Variants in STXBP5L observed in about 807,000 individuals in gnomAD.
The protein encoded by STXBP5L is syntaxin binding protein 5L.
In STXBP5L, 65 loss-of-function variants were observed where a neutral mutation model predicts 144.5. The ratio of observed to expected loss-of-function variants is 0.45; its 90% CI spans 0.37 to 0.55. STXBP5L has a LOEUF of 0.55. STXBP5L is among the 20% of genes least tolerant of loss of function. The pLI, the probability that STXBP5L is intolerant of heterozygous loss-of-function variation, is 0.00. For missense variants in STXBP5L, 1,298 were observed against 1,405.5 expected, an observed-to-expected ratio of 0.92 and a Z score of 1.22; for synonymous variants, 505 against 469.6, an observed-to-expected ratio of 1.08 and a Z score of -0.97.
At chr3:121,159,763 G>T (rs2046250344) in intron 9 of STXBP5L, among the ~76,000 whole-genome samples, 1 of 151,374 alleles carries the variant, frequency 6.6e-6, no homozygotes, top group Admixed American at 6.6e-5. Flanking sequence ...CCGAGTAGCT[G>T]GGACTACAGG....
intron 14 of STXBP5L, among the ~76,000 whole-genome samples, chr3:121,243,226 G>C (rs2049727494): frequency 6.6e-6 from 1 of 152,172 alleles, no homozygotes; most frequent in African/African-American, 2.4e-5. Context: ...GGGTGCCACT[G>C]AGAGCAAAAT....
At chr3:121,379,086 A>G (rs1452856951) in intron 21 of STXBP5L, among the ~76,000 whole-genome samples, 200 bp downstream of exon 21, 1 of 152,096 alleles carries the variant, frequency 6.6e-6, no homozygotes, top group Non-Finnish European at 1.5e-5. Flanking sequence ...CTCTAAAACC[A>G]GAATGCCTCT....
At chr3:120,965,905 A>T (rs973706923) in intron 3 of STXBP5L, among the ~76,000 whole-genome samples, 4 of 152,174 alleles carry the variant, frequency 2.6e-5, no homozygotes, top group Admixed American at 6.6e-5. Flanking sequence ...CATCACTTTC[A>T]GATACACCAA....
chr3:120,992,319 C>T (rs1461839462), intron 3 of STXBP5L, among the ~76,000 whole-genome samples: 1 of 152,046 alleles, frequency 6.6e-6, no homozygotes, highest in Non-Finnish European at 1.5e-5. Context: ...AGTCCTGTCT[C>T]CTAGCTATTT....
chr3:120,991,462 C>T (rs1251962242), intron 3 of STXBP5L, among the ~76,000 whole-genome samples: 2 of 151,978 alleles, frequency 1.3e-5, no homozygotes, highest in Admixed American at 6.6e-5. Flanking sequence ...ACCATTTGAC[C>T]CAGCCATCCC....
intron 5 of STXBP5L, among the ~76,000 whole-genome samples, chr3:121,074,032 C>T (rs995088925): frequency 6.6e-6 from 1 of 152,116 alleles, no homozygotes; most frequent in African/African-American, 2.4e-5. Context: ...TGGGTGCAGC[C>T]AACAATACAT....
chr3:121,035,464 G>T (rs897159595), intron 3 of STXBP5L, among the ~76,000 whole-genome samples: 17 of 152,118 alleles, frequency 1.1e-4, no homozygotes. Flanking sequence ...TATTGAAAAG[G>T]ATGTCCTTTC....
chr3:120,948,131 A>G (rs967911308), intron 2 of STXBP5L, among the ~76,000 whole-genome samples: 1 of 151,594 alleles, frequency 6.6e-6, no homozygotes, highest in Non-Finnish European at 1.5e-5. Flanking sequence ...TCTGTTTTTT[A>G]TTATAGTTAT....
chr3:121,344,646 A>G (rs1487740829), intron 20 of STXBP5L, among the ~76,000 whole-genome samples: 1 of 152,102 alleles, frequency 6.6e-6, no homozygotes, highest in Non-Finnish European at 1.5e-5. Flanking sequence ...GTAATTTTAA[A>G]AATTGAAATA....
At chr3:121,342,995 C>T (rs1278663312) in intron 20 of STXBP5L, among the ~76,000 whole-genome samples, 2 of 151,342 alleles carry the variant, frequency 1.3e-5, no homozygotes, top group Non-Finnish European at 2.9e-5. Context: ...TCTCCACATC[C>T]TCTCCAGCAC....
intron 3 of STXBP5L, among the ~76,000 whole-genome samples, chr3:120,975,266 GT>G (rs1233285943): frequency 6.6e-6 from 1 of 152,132 alleles, no homozygotes; most frequent in Non-Finnish European, 1.5e-5. Context: ...CACGTCCCTT[GT>G]AAGTTGGATT....
chr3:121,278,197 A>T (rs1342470487), intron 18 of STXBP5L, among the ~76,000 whole-genome samples: 1 of 151,992 alleles, frequency 6.6e-6, no homozygotes, highest in Non-Finnish European at 1.5e-5. Flanking sequence ...ACATTTGTGA[A>T]ATGTATTACC....
At chr3:121,161,452 A>G (rs1167385693) in intron 9 of STXBP5L, among the ~76,000 whole-genome samples, 1 of 151,810 alleles carries the variant, frequency 6.6e-6, no homozygotes, top group Admixed American at 6.6e-5. Flanking sequence ...AATTGCTTTC[A>G]AAATTTTGCG....
intron 5 of STXBP5L, among the ~76,000 whole-genome samples, chr3:121,065,438 T>A (rs2041498911): frequency 6.6e-6 from 1 of 152,226 alleles, no homozygotes; most frequent in Non-Finnish European, 1.5e-5. Flanking sequence ...CATATTACAC[T>A]AGTTAGGACC....
At chr3:120,983,134 C>T (rs572462644) in intron 3 of STXBP5L, among the ~76,000 whole-genome samples, 4 of 152,166 alleles carry the variant, frequency 2.6e-5, no homozygotes, top group African/African-American at 9.7e-5. Context: ...AGTGCCTGAC[C>T]TGCCTGCTTC....
At chr3:121,351,341 C>T (rs924617365) in intron 20 of STXBP5L, among the ~76,000 whole-genome samples, 20 of 152,076 alleles carry the variant, frequency 1.3e-4, no homozygotes, top group African/African-American at 2.2e-4. Context: ...GAGGAGTACC[C>T]GGCCGTGTCA....
chr3:121,172,695 G>T (rs1454948350), intron 9 of STXBP5L, among the ~76,000 whole-genome samples: 1 of 152,188 alleles, frequency 6.6e-6, no homozygotes, highest in Non-Finnish European at 1.5e-5. Context: ...ATGCTGGAGA[G>T]GATGTGGAGA....
chr3:121,160,976 TC>T (rs2046303676), intron 9 of STXBP5L, among the ~76,000 whole-genome samples: 1 of 152,136 alleles, frequency 6.6e-6, no homozygotes, highest in African/African-American at 2.4e-5. Context: ...ACCATGTAGA[TC>T]TATTTCTCTT....
rs549914608 is a variant in STXBP5L at position 120,979,944 on chromosome 3, A to G, written c.287+24907A>G. Reference sequence around the variant, plus strand: ...TGTTTCTGTTTTCATTTGTTTCAAAAAAATTTAAATTCCTAGCCTAATTTC... The same window carrying G: ...TGTTTCTGTTTTCATTTGTTTCAAAGAAATTTAAATTCCTAGCCTAATTTC... On this transcript the variant is annotated intron_variant, in intron 3 of 26. Coordinates refer to ENST00000471454, the MANE Select transcript of STXBP5L (RefSeq NM_001308330.2). Among the ~76,000 whole-genome samples the G allele has an allele frequency of 3.3e-5, 5 of 152,332 alleles. No homozygotes were observed. The East Asian group carries it at 9.6e-4, about 29-fold the overall frequency.
Sources: gnomAD v4.1 joint callset for allele counts (sites outside exome capture counted in the v4.1 genomes callset) on GRCh38, gnomAD v4.1.1 for gene constraint, MANE v1.5 for transcripts, NCBI Gene and HGNC (gene_info 2026-07-23, HGNC 2026-07-21) for gene names.